Variants in FBXO34 observed in about 807,000 individuals in gnomAD.
FBXO34 encodes the protein F-box protein 34, also known as F-box only protein 34.
Under a neutral mutation model 24.5 loss-of-function variants are expected in FBXO34, and 12 were observed. The ratio of observed to expected loss-of-function variants is 0.49; its 90% CI spans 0.31 to 0.79. The LOEUF is 0.79. Ranked by LOEUF, FBXO34 falls within the 30% of genes least tolerant of loss-of-function variation. The pLI, the probability that FBXO34 is intolerant of heterozygous loss-of-function variation, is 0.04. For synonymous variants in FBXO34, 320 were observed against 311.9 expected, an observed-to-expected ratio of 1.03 and a Z score of -0.27; for missense variants, 823 against 857.7, an observed-to-expected ratio of 0.96 and a Z score of 0.51.
In FBXO34 at chr14:55,304,506, C is replaced by T. The variant is rs541726706; in HGVS notation, c.-11+32969C>T. 7.2e-5 allele frequency among the ~76,000 whole-genome samples: 11 copies of T among 151,918 alleles called. No individual in the cohort carries two copies. The East Asian group carries it at 2.1e-3, about 30-fold the overall frequency. On this transcript the variant is annotated intron_variant, in intron 1 of 1. Coordinates refer to ENST00000313833, the MANE Select transcript of FBXO34 (RefSeq NM_017943.4). Reference sequence around the variant, plus strand: ...AGCAGCCAGCCAGTCCCTCACCCTGCTTTTCCATTTTTGAGACAAGGTCTT... The same window carrying T: ...AGCAGCCAGCCAGTCCCTCACCCTGTTTTTCCATTTTTGAGACAAGGTCTT...
chr14:55,333,542 AACTGTTAC>A (rs1441789512), intron 1 of FBXO34, among the ~76,000 whole-genome samples: 1 of 152,214 alleles, frequency 6.6e-6, no homozygotes, highest in African/African-American at 2.4e-5. Flanking sequence ...AATATATAAA[AACTGTTAC>A]ACAGAAATAA....
At chr14:55,386,070 C>T in the FBXO34 span, 1 of 1,610,858 alleles carries the variant, frequency 6.2e-7, no homozygotes, top group Non-Finnish European at 8.5e-7. Context: ...TGATTCTTTT[C>T]CTTGGTTTTG....
chr14:55,311,248 C>T (rs1245938181), intron 1 of FBXO34, among the ~76,000 whole-genome samples: 5 of 152,156 alleles, frequency 3.3e-5, no homozygotes, highest in Non-Finnish European at 2.9e-5. Flanking sequence ...CATCAGATCT[C>T]GTGATAATTC....
the FBXO34 span, among the ~76,000 whole-genome samples, chr14:55,424,964 A>C: frequency 1.3e-5 from 2 of 152,200 alleles, no homozygotes; most frequent in Non-Finnish European, 2.9e-5. Context: ...GAGGTGAATA[A>C]AACTATTCTC....
At chr14:55,391,487 A>AAAAGGAAAGGGAAATTACGAG in the FBXO34 span, among the ~76,000 whole-genome samples, 5 of 151,988 alleles carry the variant, frequency 3.3e-5, no homozygotes, top group African/African-American at 1.2e-4. Context: ...AAAAAAAAAA[A>AAAAGGAAAGGGAAATTACGAG]AAAGGAAAGG....
the FBXO34 span, among the ~76,000 whole-genome samples, chr14:55,375,540 C>T: frequency 7.3e-6 from 1 of 136,576 alleles, no homozygotes; most frequent in East Asian, 2.2e-4. Context: ...CATGGAGTCT[C>T]ACTATGTTGC....
intron 1 of FBXO34, among the ~76,000 whole-genome samples, chr14:55,306,599 C>T (rs150659770): frequency 2.3e-4 from 35 of 152,110 alleles, no homozygotes; most frequent in African/African-American, 7.0e-4. Context: ...TTTAGGAGGC[C>T]GAGGGGGCAG....
chr14:55,404,233 G>T, the FBXO34 span, among the ~76,000 whole-genome samples: 2 of 152,220 alleles, frequency 1.3e-5, no homozygotes, highest in Non-Finnish European at 1.5e-5. Flanking sequence ...TAGGGCTGGA[G>T]ACTTTCACTT....
chr14:55,283,209 C>T (rs765203350), intron 1 of FBXO34, among the ~76,000 whole-genome samples: 2 of 152,048 alleles, frequency 1.3e-5, no homozygotes, highest in Non-Finnish European at 2.9e-5. Context: ...TTTATTGAAT[C>T]GTCTTTCATT....
At chr14:55,324,479 G>GTT (rs879346180) in intron 1 of FBXO34, among the ~76,000 whole-genome samples, 3 of 143,988 alleles carry the variant, frequency 2.1e-5, no homozygotes, top group African/African-American at 5.1e-5. Context: ...AGTTCTTTAA[G>GTT]TTTTTTTTTT....
chr14:55,315,593 T>C (rs892137050), intron 1 of FBXO34, among the ~76,000 whole-genome samples: 1 of 152,254 alleles, frequency 6.6e-6, no homozygotes, highest in Non-Finnish European at 1.5e-5. Context: ...TGTCTTACTC[T>C]GTTCTTACTC....
chr14:55,369,895 A>G, downstream of FBXO34: 1 of 1,613,382 alleles, frequency 6.2e-7, no homozygotes, highest in Non-Finnish European at 8.5e-7. Context: ...TGGACTCCTC[A>G]AGGTCTGCTC....
At chr14:55,433,794 G>C in the FBXO34 span, 1 of 1,378,784 alleles carries the variant, frequency 7.3e-7, no homozygotes, top group East Asian at 2.3e-5. Flanking sequence ...AAGCCGAGCT[G>C]AATATGAAAA....
chr14:55,336,910 GGTCT>G, intron 1 of FBXO34, among the ~76,000 whole-genome samples: 1 of 149,148 alleles, frequency 6.7e-6, no homozygotes, highest in Non-Finnish European at 1.5e-5. Flanking sequence ...ACTATTTTAT[GGTCT>G]GTCTGACTCA....
intron 1 of FBXO34, among the ~76,000 whole-genome samples, chr14:55,336,849 A>G (rs1242125335): frequency 1.3e-5 from 2 of 150,996 alleles, no homozygotes; most frequent in Admixed American, 6.6e-5. Context: ...CTATACACAT[A>G]TAGAATATAT....
chr14:55,292,482 C>T (rs1031424987), intron 1 of FBXO34, among the ~76,000 whole-genome samples: 4 of 152,132 alleles, frequency 2.6e-5, no homozygotes, highest in African/African-American at 9.7e-5. Context: ...ACCTCAGCCT[C>T]CAGAGTATCT....
chr14:55,350,543 C>T lies in FBXO34; in HGVS notation c.153C>T (p.Ala51=), dbSNP rs768413208. The change falls in exon 2 of 2, where the codon GCC becomes GCT. Residue 51 remains alanine (A), a synonymous_variant. Transcript: ENST00000313833. The part of the protein sequence containing the change: ...SHITSSVFPS[A]SLGKASSRKP... The stretch of plus-strand genomic sequence containing the variant: ...TAACATCAAGTGTCTTTCCTTCAGC[C>T]TCTCTCGGTAAAGCATCATCTCGAA... 1.9e-6 allele frequency: 3 copies of T among 1,613,450 alleles called. No homozygotes were observed. The highest frequency in any genetic ancestry group is 3.3e-5 in the Admixed American group (2 of 59,806).
chr14:55,411,947 C>T, the FBXO34 span: 4 of 850,502 alleles, frequency 4.7e-6, no homozygotes, highest in African/African-American at 3.4e-5. Context: ...CCTCCGCCGC[C>T]GCGTGTTCCT....
the FBXO34 span, chr14:55,390,943 GTTTGT>G: frequency 4.4e-6 from 7 of 1,604,412 alleles, no homozygotes; most frequent in Non-Finnish European, 6.0e-6. Flanking sequence ...TTTACATATT[GTTTGT>G]TTTAACTGTT....
Sources: allele counts gnomAD v4.1 joint callset (sites outside exome capture counted in the v4.1 genomes callset), GRCh38; gene constraint gnomAD v4.1.1; transcripts MANE v1.5; gene names NCBI Gene and HGNC (gene_info 2026-07-23, HGNC 2026-07-21).